Variants in DNAH8 observed in about 807,000 individuals in gnomAD.
The protein encoded by DNAH8 is dynein axonemal heavy chain 8, also known as axonemal beta dynein heavy chain 8.
A neutral mutation model predicts 562.1 loss-of-function variants in DNAH8; 382 were observed. The observed-to-expected ratio is 0.68, with a 90% confidence interval of 0.63 to 0.74. DNAH8 has a LOEUF of 0.74. DNAH8 is among the 30% of genes least tolerant of loss of function. The pLI is 0.00. For synonymous variants in DNAH8, 1,881 were observed against 1,919.4 expected (o/e 0.98, Z 0.52); for missense variants, 5,203 against 5,620.4 (o/e 0.93, Z 2.37).
chr6:38,893,129 A>G (rs920690438), intron 58 of DNAH8, among the ~76,000 whole-genome samples: 7 of 152,162 alleles, frequency 4.6e-5, no homozygotes, highest in African/African-American at 1.4e-4. Flanking sequence ...TCTGTTTACC[A>G]CTGTGTCTTC....
At chr6:38,838,806 A>G (rs970840343) in intron 33 of DNAH8, among the ~76,000 whole-genome samples, 2 of 152,256 alleles carry the variant, frequency 1.3e-5, no homozygotes, top group African/African-American at 2.4e-5. Context: ...TAAACCACAC[A>G]TATAAACAAG....
chr6:38,724,001 A>AATTAATTT (rs1253760985), intron 3 of DNAH8, among the ~76,000 whole-genome samples: 9 of 146,230 alleles, frequency 6.2e-5, no homozygotes, highest in Non-Finnish European at 1.0e-4. Flanking sequence ...TTAATTAATT[A>AATTAATTT]ATTTTTTGAG....
intron 53 of DNAH8, among the ~76,000 whole-genome samples, chr6:38,877,750 A>G (rs1199557612): frequency 6.6e-6 from 1 of 152,212 alleles, no homozygotes; most frequent in Non-Finnish European, 1.5e-5. Flanking sequence ...TTTAAAATGA[A>G]GTAAGGAGAC....
chr6:38,757,763 A>G (rs141653607), intron 10 of DNAH8, among the ~76,000 whole-genome samples: 5,749 of 152,228 alleles, frequency 0.038, 380 homozygotes, highest in African/African-American at 0.12. Flanking sequence ...TCCCAGTGCC[A>G]TTTATTAAAT....
chr6:39,019,729 A>G (rs1018897085), intron 91 of DNAH8, among the ~76,000 whole-genome samples: 1 of 152,202 alleles, frequency 6.6e-6, no homozygotes, highest in African/African-American at 2.4e-5. Context: ...ATGAGGCCAA[A>G]GGTCTGAGAG....
chr6:38,945,629 A>T, intron 80 of DNAH8, 41 bp downstream of exon 80: 1 of 1,611,126 alleles, frequency 6.2e-7, no homozygotes, highest in South Asian at 1.1e-5. Context: ...AGATCTGCAA[A>T]CCCAAACATA....
chr6:39,020,997 A>G (rs756116490), intron 91 of DNAH8, among the ~76,000 whole-genome samples: 1 of 152,236 alleles, frequency 6.6e-6, no homozygotes, highest in South Asian at 2.1e-4. Context: ...ATGTGTCTTT[A>G]TAGCAGAATG....
intron 77 of DNAH8, among the ~76,000 whole-genome samples, 154 bp downstream of exon 77, chr6:38,935,851 G>C (rs1351945537): frequency 6.6e-6 from 1 of 152,056 alleles, no homozygotes; most frequent in Non-Finnish European, 1.5e-5. Context: ...CATTAAAGAG[G>C]GACGGCAGAG....
In DNAH8 at chr6:38,873,235, G is replaced by A; in HGVS notation, c.7480-1G>A. The A allele has an allele frequency of 6.2e-7, 1 of 1,612,632 alleles. No individual in the cohort carries two copies. Among genetic ancestry groups the A allele is most frequent in the Non-Finnish European group, 8.5e-7 (1 of 1,179,668 alleles). On this transcript the variant is annotated splice_acceptor_variant, in intron 51 of 92. Transcript: ENST00000327475. LOFTEE classifies it high-confidence loss of function. Reference sequence around the variant, plus strand: ...ACACAGATTCTGTTTCTTTGTTGCAGGCATGGTTGAAGAAACGCACTGCAC... The same window carrying A: ...ACACAGATTCTGTTTCTTTGTTGCAAGCATGGTTGAAGAAACGCACTGCAC...
Position 38,845,582 on chromosome 6 carries a change from C to T in DNAH8, c.4854C>T (p.Cys1618=), listed in dbSNP as rs376295262. ...LKHKDDIEDI[C]ISAIKEKDIE... is the part of the protein sequence containing the mutation. ...TTGCTTTTCCTTCAAAGGATATTTGCATATCTGCCATTAAGGAGAAGGATA... is the reference window on the plus strand; with the variant it reads ...TTGCTTTTCCTTCAAAGGATATTTGTATATCTGCCATTAAGGAGAAGGATA... Residue 1618 remains cysteine (C), a synonymous_variant, in exon 36 of 93, where the codon TGC becomes TGT. Coordinates refer to ENST00000327475, the MANE Select transcript of DNAH8 (RefSeq NM_001206927.2). 5.6e-6 allele frequency: 9 copies of T among 1,612,796 alleles called. No homozygotes were observed. In the African/African-American group the frequency reaches 1.1e-4, roughly 19 times the overall value.
intron 18 of DNAH8, among the ~76,000 whole-genome samples, chr6:38,788,696 T>A (rs192258368): frequency 6.6e-6 from 1 of 152,236 alleles, no homozygotes; most frequent in African/African-American, 2.4e-5. Context: ...ATCAGATATA[T>A]GATTTGCAAA....
intron 92 of DNAH8, among the ~76,000 whole-genome samples, chr6:39,029,754 C>T (rs1365250714): frequency 6.6e-6 from 1 of 152,156 alleles, no homozygotes; most frequent in African/African-American, 2.4e-5. Flanking sequence ...AGATCCTGTT[C>T]CATGCTCCCA....
At chr6:38,952,962 C>T (rs981455833) in intron 82 of DNAH8, 7 of 152,224 alleles carry the variant, frequency 4.6e-5, no homozygotes, top group African/African-American at 1.7e-4. Flanking sequence ...TCTCTCAAAT[C>T]TGTTGCTCTA....
intron 21 of DNAH8, among the ~76,000 whole-genome samples, chr6:38,796,472 A>C (rs1180908621): frequency 1.3e-5 from 2 of 152,058 alleles, no homozygotes; most frequent in African/African-American, 2.4e-5. Context: ...CTTATGCCCA[A>C]TTTCTGCCTC....
At chr6:38,968,175 C>T (rs964901162) in intron 82 of DNAH8, among the ~76,000 whole-genome samples, 6 of 152,126 alleles carry the variant, frequency 3.9e-5, no homozygotes, top group African/African-American at 1.4e-4. Flanking sequence ...ACTGTAAACA[C>T]TAAAACCATA....
chr6:38,995,367 GT>G (rs1226612805), intron 88 of DNAH8, among the ~76,000 whole-genome samples: 1 of 152,120 alleles, frequency 6.6e-6, no homozygotes, highest in Non-Finnish European at 1.5e-5. Flanking sequence ...ATGGCCTGGA[GT>G]TTTTTGTGGC....
At chr6:38,812,180 A>G (rs530724084) in intron 24 of DNAH8, among the ~76,000 whole-genome samples, 20 of 150,900 alleles carry the variant, frequency 1.3e-4, no homozygotes, top group African/African-American at 4.9e-4. Flanking sequence ...ACCAGAGCCA[A>G]CCTCCCCACG....
chr6:38,732,373 A>G (rs1320503988), intron 4 of DNAH8, among the ~76,000 whole-genome samples: 1 of 152,134 alleles, frequency 6.6e-6, no homozygotes, highest in Non-Finnish European at 1.5e-5. Context: ...GGATGAACAC[A>G]ATGGGACAAA....
chr6:39,015,000 T>C (rs1245426521), intron 91 of DNAH8, among the ~76,000 whole-genome samples: 2 of 151,950 alleles, frequency 1.3e-5, no homozygotes, highest in Non-Finnish European at 2.9e-5. Context: ...TGGGGGTCTC[T>C]GAGAGAGCAA....
Sources: gnomAD v4.1 joint callset for allele counts (sites outside exome capture counted in the v4.1 genomes callset) on GRCh38, gnomAD v4.1.1 for gene constraint, MANE v1.5 for transcripts, NCBI Gene and HGNC (gene_info 2026-07-23, HGNC 2026-07-21) for gene names.